The following TRPM3 variants were observed in gnomAD, a reference collection of about 807,000 sequenced individuals.
TRPM3 encodes long transient receptor potential channel 3.
In TRPM3, 77 loss-of-function variants were observed where a neutral mutation model predicts 181.2. The ratio of observed to expected loss-of-function variants is 0.42; its 90% CI spans 0.35 to 0.51. TRPM3 has a LOEUF of 0.51. Ranked by LOEUF, TRPM3 falls within the 20% of genes least tolerant of loss-of-function variation. The pLI is 0.01. For synonymous variants in TRPM3, 745 were observed against 796.4 expected, an observed-to-expected ratio of 0.94 and a Z score of 1.09; for missense variants, 1,759 against 2,196.7, an observed-to-expected ratio of 0.80 and a Z score of 3.98.
chr9:71,101,976 G>A (rs1324971467), intron 1 of TRPM3, among the ~76,000 whole-genome samples: 1 of 152,156 alleles, frequency 6.6e-6, no homozygotes, highest in East Asian at 1.9e-4. Flanking sequence ...TCCTTTTAGA[G>A]GAATACCTCT....
rs73647164 is a variant in TRPM3, at chr9:70,813,280, T to C, written c.973+14567A>G. 8.4e-3 allele frequency among the ~76,000 whole-genome samples: 1,278 copies of C among 152,250 alleles called. 23 individuals are homozygous for C. Among genetic ancestry groups the C allele is most frequent in the African/African-American group, 0.029 (1,192 of 41,540 alleles). On this transcript the variant is annotated intron_variant, in intron 6 of 25. Coordinates refer to ENST00000677713, the MANE Select transcript of TRPM3 (RefSeq NM_001366145.2). ...AACCCGGGTGCTCATCAGTGGTGGA[T>C]TGGATAAAGAAAATGTGATACATAT...
At position 71,435,204 on chromosome 9, in the gene TRPM3, TAAGAC is replaced by T. The variant is rs1261217592; in HGVS notation, c.183+11444_183+11448del. On this transcript the variant is annotated intron_variant, in intron 1 of 24. Coordinates refer to the TRPM3 transcript ENST00000357533. The stretch of plus-strand genomic sequence containing the variant: ...CTTTTTAGCAGACTAATAATATAAT[TAAGAC>T]AAGTTTAGTGTACTTATAATGTGAA... Among the ~76,000 whole-genome samples, 8 of 152,272 alleles carry T rather than the reference TAAGAC, an allele frequency of 5.3e-5. No homozygotes were observed. The East Asian group carries it at 1.3e-3, about 26-fold the overall frequency.
intron 1 of TRPM3, among the ~76,000 whole-genome samples, chr9:71,308,471 A>G (rs1276504657): frequency 6.6e-6 from 1 of 152,210 alleles, no homozygotes; most frequent in Non-Finnish European, 1.5e-5. Context: ...ATTCAGGCAG[A>G]ATCTAGTTGT....
Position 70,810,059 on chromosome 9 carries a change from G to A in TRPM3, c.973+17788C>T, listed in dbSNP as rs376176046. The A allele has an allele frequency of 1.1e-5, 6 of 534,446 alleles. No individual in the cohort carries two copies. Among genetic ancestry groups the A allele is most frequent in the South Asian group, 2.8e-5 (2 of 71,582 alleles). 33.1% of individuals were successfully genotyped at this position (534,446 alleles called of 1,614,324 possible). A position where few individuals can be genotyped will look rare whatever the true frequency, so the allele number is the denominator to read the frequency against. On this transcript the variant is annotated intron_variant, in intron 6 of 25. Transcript: ENST00000677713. Reference sequence around the variant, plus strand: ...CATAGGATGACAAAGGGAAGTCCACGAGTCACATGAAGAAAGACTGTAGCC... The same window carrying A: ...CATAGGATGACAAAGGGAAGTCCACAAGTCACATGAAGAAAGACTGTAGCC...
intron 6 of TRPM3, among the ~76,000 whole-genome samples, chr9:70,796,031 C>T (rs920845773): frequency 6.6e-6 from 1 of 152,226 alleles, no homozygotes; most frequent in Non-Finnish European, 1.5e-5. Flanking sequence ...CAAGAAAACT[C>T]TCCCAAACAA....
chr9:71,196,942 A>C (rs1292292807), intron 1 of TRPM3, among the ~76,000 whole-genome samples: 1 of 130,184 alleles, frequency 7.7e-6, no homozygotes, highest in Non-Finnish European at 1.6e-5. Context: ...ATATGTATAC[A>C]TGTGCCATGC....
chr9:71,257,041 A>G (rs1484749018), intron 1 of TRPM3, among the ~76,000 whole-genome samples: 6 of 152,224 alleles, frequency 3.9e-5, no homozygotes, highest in Non-Finnish European at 7.3e-5. Flanking sequence ...CAAATGTACC[A>G]TCTTTAACAT....
At chr9:71,042,392 CT>C (rs1414724411) in intron 1 of TRPM3, among the ~76,000 whole-genome samples, 9 of 152,138 alleles carry the variant, frequency 5.9e-5, no homozygotes, top group Admixed American at 1.3e-4. Flanking sequence ...TTATTTGTTG[CT>C]GTTTTACATC....
intron 3 of TRPM3, among the ~76,000 whole-genome samples, chr9:70,851,095 A>G (rs1457163386): frequency 6.6e-6 from 1 of 151,790 alleles, no homozygotes; most frequent in African/African-American, 2.4e-5. Context: ...GCACCTATAC[A>G]TTTCATCTAG....
At chr9:70,595,884 T>C (rs930972966) in intron 21 of TRPM3, among the ~76,000 whole-genome samples, 1 of 152,216 alleles carries the variant, frequency 6.6e-6, no homozygotes, top group Non-Finnish European at 1.5e-5. Flanking sequence ...GGGTTCCGTT[T>C]TGGGTAAGTA....
At chr9:70,831,191 A>G (rs895347031) in intron 5 of TRPM3, among the ~76,000 whole-genome samples, 11 of 152,210 alleles carry the variant, frequency 7.2e-5, no homozygotes, top group Admixed American at 2.0e-4. Context: ...AATATTCTTC[A>G]TAGCAAACGT....
chr9:70,916,381 CTT>C (rs2096594711), intron 1 of TRPM3, among the ~76,000 whole-genome samples: 2 of 152,106 alleles, frequency 1.3e-5, no homozygotes, highest in African/African-American at 2.4e-5. Context: ...TATGTAAACT[CTT>C]GTGTAGAAAG....
intron 1 of TRPM3, among the ~76,000 whole-genome samples, chr9:71,394,431 T>C (rs1015343772): frequency 6.6e-6 from 1 of 152,330 alleles, no homozygotes; most frequent in South Asian, 2.1e-4. Context: ...AGATAAAACA[T>C]GTATTTGTTT....
rs556569575 is a variant in TRPM3 at position 71,121,545 on chromosome 9, G to T, written c.-191C>A. 63 of 1,386,010 alleles carry T rather than the reference G, an allele frequency of 4.5e-5. No individual in the cohort carries two copies. The South Asian group carries it at 1.0e-3, about 23-fold the overall frequency. The allele number at this position is 1,386,010 out of a possible 1,614,324, so 85.9% of individuals were successfully genotyped here. ...ACACTGCCTGCTGCTTCGGGGAGGGGATGCACGATTTTGAAGAAGAGGGAC... is the reference window on the plus strand; with the variant it reads ...ACACTGCCTGCTGCTTCGGGGAGGGTATGCACGATTTTGAAGAAGAGGGAC... On this transcript the variant is annotated 5_prime_UTR_variant, in exon 1 of 26. Coordinates refer to ENST00000677713, the MANE Select transcript of TRPM3 (RefSeq NM_001366145.2).
At chr9:71,133,489 G>A (rs1251463574) in intron 1 of TRPM3, among the ~76,000 whole-genome samples, 1 of 149,324 alleles carries the variant, frequency 6.7e-6, no homozygotes, top group Non-Finnish European at 1.5e-5. Flanking sequence ...AGTAGAGATG[G>A]CATTTCTCCA....
chr9:71,396,365 G>T (rs2093193953), intron 1 of TRPM3, among the ~76,000 whole-genome samples: 1 of 150,740 alleles, frequency 6.6e-6, no homozygotes, highest in South Asian at 2.1e-4. Flanking sequence ...TGATTATCAA[G>T]GCACAAATTT....
Position 70,536,475 on chromosome 9 carries a change from G to T in TRPM3, c.4638C>A (p.Asn1546Lys), listed in dbSNP as rs1282218990. The T allele has an allele frequency of 1.2e-6, 2 of 1,614,180 alleles. No individual in the cohort carries two copies. Among genetic ancestry groups the T allele is most frequent in the East Asian group, 2.2e-5 (1 of 44,868 alleles). ...CTGCTGTTTTTACAGGCACCCCAAA[G>T]TTGGCATAATAGCTCCTTGAGGGGG... Reference protein sequence around the residue: ...MFSPSRSYYANFGVPVKTAEY... With the variant: ...MFSPSRSYYAKFGVPVKTAEY... The change falls in exon 26 of 26, where the codon AAC becomes AAA. Residue 1546 changes from asparagine (N) to lysine (K), a missense_variant. By Grantham distance (94) the Asn-to-Lys change is moderately conservative. Around this residue, in one of 8 missense-constraint regions of TRPM3, gnomAD observed 612 missense variants for 590.0 expected, o/e 1.04. Coordinates refer to ENST00000677713, the MANE Select transcript of TRPM3 (RefSeq NM_001366145.2).
At chr9:71,239,428 T>C (rs2081538741) in intron 1 of TRPM3, among the ~76,000 whole-genome samples, 1 of 152,192 alleles carries the variant, frequency 6.6e-6, no homozygotes, top group Admixed American at 6.5e-5. Flanking sequence ...CATCATTCTC[T>C]AACTCTAACG....
chr9:71,417,228 G>C (rs2093649794), intron 1 of TRPM3, among the ~76,000 whole-genome samples: 1 of 151,904 alleles, frequency 6.6e-6, no homozygotes, highest in Non-Finnish European at 1.5e-5. Context: ...AAAGCATTCT[G>C]AAATGTTTGT....
Sources: gnomAD v4.1 joint callset for allele counts (sites outside exome capture counted in the v4.1 genomes callset) on GRCh38, gnomAD v4.1.1 for gene constraint, gnomAD v4.1.1 regional missense constraint, MANE v1.5 for transcripts, NCBI Gene and HGNC (gene_info 2026-07-23, HGNC 2026-07-21) for gene names.